MAP1A: variants seen among roughly 807,000 people sequenced by gnomAD.
MAP1A encodes the protein microtubule associated protein 1A.
A neutral mutation model predicts 185.9 loss-of-function variants in MAP1A; 42 were observed. The ratio of observed to expected loss-of-function variants is 0.23; its 90% CI spans 0.18 to 0.29. The LOEUF is 0.29. Ranked by LOEUF, MAP1A falls within the 10% of genes least tolerant of loss-of-function variation. The pLI is 1.00. For synonymous variants in MAP1A, 1,229 were observed against 1,335.9 expected (o/e 0.92, Z 1.74); for missense variants, 2,995 against 3,450.4 (o/e 0.87, Z 3.31).
Position 43,528,686 on chromosome 15 carries a change from A to G in MAP1A, c.7213A>G (p.Thr2405Ala), listed in dbSNP as rs192770595. ...EGAERSSRPD[T>A]LLSPEQPVCP... ...AGCTGAGAGGAGCTCCCGGCCTGAC[A>G]CATTGCTCTCCCCTGAGCAGCCAGT... Residue 2405 changes from threonine (T) to alanine (A), a missense_variant, in exon 4 of 6, where the codon ACA becomes GCA. Coordinates refer to ENST00000300231, the MANE Select transcript of MAP1A (RefSeq NM_002373.6). 3.4e-4 allele frequency: 546 copies of G among 1,613,770 alleles called. 3 individuals are homozygous for G. In the East Asian group the frequency reaches 8.0e-3, roughly 24 times the overall value.
In MAP1A at chr15:43,528,210, A is replaced by G. The variant is rs369881541; in HGVS notation, c.6737A>G (p.Asn2246Ser). ...PSSPGAPLLS[N>S]LPRPASPALS... is the part of the protein sequence containing the mutation. ...TCTCCTGGGGCCCCTCTCCTCTCCAATCTGCCACGACCTGCCTCACCAGCC... is the reference window on the plus strand; with the variant it reads ...TCTCCTGGGGCCCCTCTCCTCTCCAGTCTGCCACGACCTGCCTCACCAGCC... The change falls in exon 4 of 6, where the codon AAT becomes AGT. Residue 2246 changes from asparagine (N) to serine (S), a missense_variant. By Grantham distance (46) the Asn-to-Ser change is conservative (BLOSUM62 1). Transcript: ENST00000300231. 10 of 1,613,710 alleles carry G rather than the reference A, an allele frequency of 6.2e-6. No homozygotes were observed. Among genetic ancestry groups the G allele is most frequent in the Middle Eastern group, 1.6e-4 (1 of 6,062 alleles).
upstream of MAP1A, among the ~76,000 whole-genome samples, chr15:43,517,258 G>T (rs1454473898): frequency 6.6e-6 from 1 of 152,140 alleles, no homozygotes; most frequent in Non-Finnish European, 1.5e-5. Context: ...AGAGGCAGCA[G>T]ATGGTTTCTA....
chr15:43,523,684 T>A lies in MAP1A; in HGVS notation c.2211T>A (p.Asp737Glu), dbSNP rs754960589. 1 of 1,613,646 alleles carries A rather than the reference T, an allele frequency of 6.2e-7. No homozygotes were observed. The highest frequency in any genetic ancestry group is 2.2e-5 in the East Asian group (1 of 44,858). The part of the protein sequence containing the change: ...GATEHVSYIQ[D>E]ETIPGYSETE... ...CTGAGCATGTCTCTTACATCCAGGA[T>A]GAGACAATCCCTGGCTACTCAGAGA... Residue 737 changes from aspartate (D) to glutamate (E), a missense_variant, in exon 4 of 6, where the codon GAT becomes GAA. By Grantham distance (45) the Asp-to-Glu change is conservative. Coordinates refer to ENST00000300231, the MANE Select transcript of MAP1A (RefSeq NM_002373.6).
intron 1 of MAP1A, chr15:43,512,127 T>C: frequency 4.5e-6 from 4 of 893,282 alleles, no homozygotes; most frequent in Non-Finnish European, 5.5e-6. Context: ...AAAGTGTTCC[T>C]GCAGTCTCAC....
chr15:43,514,398 C>T (rs934091926), upstream of MAP1A, among the ~76,000 whole-genome samples: 2 of 152,210 alleles, frequency 1.3e-5, no homozygotes, highest in African/African-American at 4.8e-5. Flanking sequence ...CAGACACTGC[C>T]CCTCCCTCCA....
At position 43,522,086 on chromosome 15, in the gene MAP1A, C is replaced by A; in HGVS notation, c.613C>A (p.Pro205Thr). The A allele has an allele frequency of 6.2e-7, 1 of 1,614,166 alleles. No homozygotes were observed. Among genetic ancestry groups the A allele is most frequent in the Non-Finnish European group, 8.5e-7 (1 of 1,180,020 alleles). Reference protein sequence around the residue: ...VGRLDMYVLNPVKDSKEMQFL... With the variant: ...VGRLDMYVLNTVKDSKEMQFL... The stretch of plus-strand genomic sequence containing the variant: ...CCGGCTGGACATGTATGTCCTCAAC[C>A]CTGTCAAGGACAGCAAGGAGATGCA... The change falls in exon 4 of 6, where the codon CCT becomes ACT. Residue 205 changes from proline (P) to threonine (T), a missense_variant. Coordinates refer to ENST00000300231, the MANE Select transcript of MAP1A (RefSeq NM_002373.6). The surrounding 1 kb of genome is among the most constrained non-coding windows in gnomAD (Gnocchi z 5.9).
At chr15:43,510,967 C>T (rs1302130740) in exon 1 of MAP1A, 1 of 1,502,320 alleles carries the variant, frequency 6.7e-7, no homozygotes, top group Non-Finnish European at 9.0e-7. Flanking sequence ...AGCTGCCGGA[C>T]TAACACTCCG....
Position 43,529,083 on chromosome 15 carries a change from G to T in MAP1A, c.7610G>T (p.Gly2537Val). Residue 2537 changes from glycine to valine, a missense_variant, in exon 4 of 6, where the codon GGA becomes GTA. Coordinates refer to ENST00000300231, the MANE Select transcript of MAP1A (RefSeq NM_002373.6). This position sits in a 1 kb window ranked among gnomAD's most constrained non-coding sequence, Gnocchi z 4.3. ...AEAALDSDED[G>V]DFLPVDKAGG... ...GCAGCCCTCGACTCAGATGAAGATGGAGACTTCCTACCTGTGGACAAAGCT... is the reference window on the plus strand; with the variant it reads ...GCAGCCCTCGACTCAGATGAAGATGTAGACTTCCTACCTGTGGACAAAGCT... The T allele has an allele frequency of 6.2e-7, 1 of 1,613,848 alleles. No homozygotes were observed. The highest frequency in any genetic ancestry group is 1.1e-5 in the South Asian group (1 of 91,088).
Position 43,521,199 on chromosome 15 carries a change from A to AT in MAP1A, c.-151+88dup. 6 of 1,477,720 alleles carry AT rather than the reference A, an allele frequency of 4.1e-6. No homozygotes were observed. The highest frequency in any genetic ancestry group is 5.4e-6 in the Non-Finnish European group (6 of 1,117,452). The allele number at this position is 1,477,720 out of a possible 1,614,324, so 91.5% of individuals were successfully genotyped here. ...AGGGAAAGTCTCATATTGCATGACC[A>AT]TGGGGGGCCCTGGCAGAAAGGTAAG... On this transcript the variant is annotated intron_variant, in intron 3 of 5. Coordinates refer to ENST00000300231, the MANE Select transcript of MAP1A (RefSeq NM_002373.6). This position sits in a 1 kb window ranked among gnomAD's most constrained non-coding sequence, Gnocchi z 4.6.
In MAP1A at chr15:43,523,705, A is replaced by G. The variant is rs781450255; in HGVS notation, c.2232A>G (p.Ser744=). The change falls in exon 4 of 6, where the codon TCA becomes TCG. Residue 744 remains serine, a synonymous_variant. Transcript: ENST00000300231. ...YIQDETIPGY[S]ETEQTISDEE... is the part of the protein sequence containing the mutation. ...AGGATGAGACAATCCCTGGCTACTC[A>G]GAGACTGAGCAGACCATCTCAGATG... The G allele has an allele frequency of 6.2e-7, 1 of 1,613,968 alleles. No individual in the cohort carries two copies. Among genetic ancestry groups the G allele is most frequent in the South Asian group, 1.1e-5 (1 of 91,040 alleles).
In MAP1A at chr15:43,524,432, C is replaced by T; in HGVS notation, c.2959C>T (p.Pro987Ser). ...AGAAGCAGAGGAGCGGTGCCTTAGC[C>T]CAGATGACAGCACAGTGAAGATGGC... The part of the protein sequence containing the change: ...LGEAEERCLS[P>S]DDSTVKMASP... The change falls in exon 4 of 6, where the codon CCA becomes TCA. Residue 987 changes from proline (P) to serine (S), a missense_variant. Physicochemically the swap from Pro to Ser is moderately conservative, Grantham distance 74. Transcript: ENST00000300231. The T allele has an allele frequency of 3.1e-6, 5 of 1,614,144 alleles. No homozygotes were observed. Among genetic ancestry groups the T allele is most frequent in the Non-Finnish European group, 4.2e-6 (5 of 1,180,016 alleles).
Position 43,523,853 on chromosome 15 carries a change from G to C in MAP1A, c.2380G>C (p.Val794Leu). 2 of 1,614,188 alleles carry C rather than the reference G, an allele frequency of 1.2e-6. No homozygotes were observed. The change falls in exon 4 of 6, where the codon GTT becomes CTT. Residue 794 changes from valine to leucine, a missense_variant. This residue lies in a region of MAP1A where 2,728 missense variants were observed against 2,986.0 expected (regional missense o/e 0.91). Transcript: ENST00000300231. ...FEASQPADSAVPATSGKVYGT... is the reference protein window; with the variant it reads ...FEASQPADSALPATSGKVYGT... Reference sequence around the variant, plus strand: ...AGCCAGCCAACCTGCCGATAGTGCTGTTCCTGCTACCTCTGGCAAAGTCTA... The same window carrying C: ...AGCCAGCCAACCTGCCGATAGTGCTCTTCCTGCTACCTCTGGCAAAGTCTA...
Position 43,529,538 on chromosome 15 carries a change from T to C in MAP1A, c.8035+30T>C. 1.9e-6 allele frequency: 3 copies of C among 1,598,506 alleles called. No individual in the cohort carries two copies. Among genetic ancestry groups the C allele is most frequent in the South Asian group, 1.1e-5 (1 of 89,222 alleles). ...GTATATCATGAAACTTGGCAGAGAG[T>C]GTGGGTTAGGGCTGGGTGTGGGCTG... On this transcript the variant is annotated intron_variant, in intron 4 of 5. Coordinates refer to ENST00000300231, the MANE Select transcript of MAP1A (RefSeq NM_002373.6). The surrounding 1 kb of genome is among the most constrained non-coding windows in gnomAD (Gnocchi z 4.3).
At chr15:43,512,568 C>T (rs538802093) in intron 2 of MAP1A, among the ~76,000 whole-genome samples, 1 of 152,298 alleles carries the variant, frequency 6.6e-6, no homozygotes, top group Admixed American at 6.5e-5. Flanking sequence ...ATGAGGGACT[C>T]CTCTTAGTGA....
chr15:43,512,331 C>G (rs756160207), intron 2 of MAP1A: 1 of 1,398,598 alleles, frequency 7.2e-7, no homozygotes, highest in African/African-American at 1.4e-5. Flanking sequence ...TGGGTAAGAG[C>G]TGGTCACAGA....
rs2079315665 is a variant in MAP1A, at chr15:43,520,676, G to C, written c.-339G>C. 1 of 1,550,196 alleles carries C rather than the reference G, an allele frequency of 6.5e-7. No individual in the cohort carries two copies. The highest frequency in any genetic ancestry group is 2.0e-5 in the Admixed American group (1 of 50,988). Reference sequence around the variant, plus strand: ...CCTTTGCCACCAGAGTGAGATCCTAGAGACCATCATCCTGGTAAATCCCAG... The same window carrying C: ...CCTTTGCCACCAGAGTGAGATCCTACAGACCATCATCCTGGTAAATCCCAG... On this transcript the variant is annotated 5_prime_UTR_variant, in exon 2 of 6. The change abolishes the stop of an existing upstream ORF in the 5' untranslated region. Coordinates refer to ENST00000300231, the MANE Select transcript of MAP1A (RefSeq NM_002373.6).
Position 43,529,361 on chromosome 15 carries a change from C to T in MAP1A, c.7888C>T (p.Pro2630Ser), listed in dbSNP as rs1595651712. ...RRLDLRGKRS[P>S]TPGKGPADRA... is the part of the protein sequence containing the mutation. ...TCTGGATCTTCGGGGAAAACGCTCA[C>T]CCACCCCTGGTAAAGGGCCTGCAGA... The change falls in exon 4 of 6, where the codon CCC becomes TCC. Residue 2630 changes from proline to serine, a missense_variant. Pro to Ser is a moderately conservative substitution (Grantham distance 74). This residue lies in a region of MAP1A where 2,728 missense variants were observed against 2,986.0 expected (regional missense o/e 0.91). Transcript: ENST00000300231. The surrounding 1 kb of genome is among the most constrained non-coding windows in gnomAD (Gnocchi z 4.3). The T allele has an allele frequency of 6.2e-7, 1 of 1,614,018 alleles. No individual in the cohort carries two copies. Among genetic ancestry groups the T allele is most frequent in the Non-Finnish European group, 8.5e-7 (1 of 1,180,032 alleles).
rs780747482 is a variant in MAP1A, at chr15:43,523,029, G to T, written c.1556G>T (p.Gly519Val). The T allele has an allele frequency of 1.2e-6, 2 of 1,614,154 alleles. No homozygotes were observed. The highest frequency in any genetic ancestry group is 4.5e-5 in the East Asian group (2 of 44,880). Reference protein sequence around the residue: ...KGTVPLPTISGHRELVLSSPE... With the variant: ...KGTVPLPTISVHRELVLSSPE... ...ACTGTACCACTCCCAACCATCAGTG[G>T]GCACAGGGAGCTGGTCCTATCCTCA... The change falls in exon 4 of 6, where the codon GGG becomes GTG. Residue 519 changes from glycine to valine, a missense_variant. Transcript: ENST00000300231.
chr15:43,523,284 G>A lies in MAP1A; in HGVS notation c.1811G>A (p.Gly604Asp), dbSNP rs2079327650. The change falls in exon 4 of 6, where the codon GGC becomes GAC. Residue 604 changes from glycine (G) to aspartate (D), a missense_variant. By Grantham distance (94) the Gly-to-Asp change is moderately conservative. Around this residue, in one of 3 missense-constraint regions of MAP1A, gnomAD observed 2,728 missense variants for 2,986.0 expected, o/e 0.91. Transcript: ENST00000300231. ...ELVPEVPEEQGSKDRGLDSGA... is the reference protein window; with the variant it reads ...ELVPEVPEEQDSKDRGLDSGA... ...GTCCCAGAGGTCCCTGAGGAACAAG[G>A]CAGCAAGGACAGAGGCCTAGACTCT... 1.2e-6 allele frequency: 2 copies of A among 1,613,296 alleles called. No homozygotes were observed. Among genetic ancestry groups the A allele is most frequent in the African/African-American group, 1.3e-5 (1 of 74,900 alleles).
Sources: gnomAD v4.1 joint callset for allele counts (sites outside exome capture counted in the v4.1 genomes callset) on GRCh38, gnomAD v4.1.1 for gene constraint, gnomAD v4.1.1 regional missense constraint, Gnocchi (gnomAD v3.1) non-coding constraint, MANE v1.5 for transcripts, NCBI Gene and HGNC (gene_info 2026-07-23, HGNC 2026-07-21) for gene names.